The following CCDC148 variants were observed in gnomAD, a reference collection of about 807,000 sequenced individuals.
CCDC148 encodes the protein coiled-coil domain containing 148, also known as coiled-coil domain-containing protein 148.
In CCDC148, 89 loss-of-function variants were observed where a neutral mutation model predicts 85.7. The ratio of observed to expected loss-of-function variants is 1.04; its 90% CI spans 0.87 to 1.24. The LOEUF (loss-of-function observed/expected upper bound fraction) is 1.24. CCDC148 is among the 50% of genes most tolerant of loss of function. The pLI is 0.00. For missense variants in CCDC148, 692 were observed against 671.7 expected, an observed-to-expected ratio of 1.03 and a Z score of -0.33; for synonymous variants, 230 against 213.9, an observed-to-expected ratio of 1.08 and a Z score of -0.66.
intron 7 of CCDC148, among the ~76,000 whole-genome samples, chr2:158,319,285 C>T (rs897263657): frequency 6.6e-6 from 1 of 152,080 alleles, no homozygotes; most frequent in Admixed American, 6.5e-5. Flanking sequence ...CATCTCCAGC[C>T]CTGGCAGTGA....
rs1300412431 is a variant in CCDC148 at position 158,297,197 on chromosome 2, A to G, written c.1110+12236T>C. Among the ~76,000 whole-genome samples the G allele has an allele frequency of 2.0e-5, 3 of 152,244 alleles. No individual in the cohort carries two copies. The East Asian group carries it at 5.8e-4, about 29-fold the overall frequency. On this transcript the variant is annotated intron_variant, in intron 9 of 13. Coordinates refer to ENST00000283233, the MANE Select transcript of CCDC148 (RefSeq NM_138803.4). ...TAAACTGGACACCCAAGTTCCTCCA[A>G]TTATGTTGTTTTTTCTTGTCTAATC...
intron 1 of CCDC148, among the ~76,000 whole-genome samples, chr2:158,429,153 G>T: frequency 6.6e-6 from 1 of 152,012 alleles, no homozygotes; most frequent in African/African-American, 2.4e-5. Context: ...GGGGCAGGGG[G>T]GAGGGATAGC....
intron 1 of CCDC148, among the ~76,000 whole-genome samples, chr2:158,382,823 A>C (rs1303793763): frequency 1.3e-5 from 2 of 151,706 alleles, no homozygotes; most frequent in East Asian, 3.9e-4. Context: ...CGGGAGGCTG[A>C]GGCAGGAGAA....
intron 10 of CCDC148, among the ~76,000 whole-genome samples, chr2:158,250,158 C>T (rs148173367): frequency 6.6e-6 from 1 of 151,906 alleles, no homozygotes; most frequent in South Asian, 2.1e-4. Flanking sequence ...ATATTTAAAA[C>T]AAAACAACCC....
At chr2:158,269,049 G>A (rs1461427229) in intron 9 of CCDC148, among the ~76,000 whole-genome samples, 1 of 152,058 alleles carries the variant, frequency 6.6e-6, no homozygotes, top group Non-Finnish European at 1.5e-5. Flanking sequence ...TTTGATTGGT[G>A]ATAATTTCAT....
intron 9 of CCDC148, among the ~76,000 whole-genome samples, chr2:158,291,002 C>G (rs1444512546): frequency 6.6e-6 from 1 of 152,126 alleles, no homozygotes; most frequent in Non-Finnish European, 1.5e-5. Flanking sequence ...GTTCAGACTA[C>G]ATCATCTGTC....
intron 7 of CCDC148, among the ~76,000 whole-genome samples, chr2:158,320,080 T>C (rs548308342): frequency 6.6e-6 from 1 of 152,206 alleles, no homozygotes; most frequent in African/African-American, 2.4e-5. Flanking sequence ...AATTACCTTA[T>C]ATAGACATTA....
intron 1 of CCDC148, among the ~76,000 whole-genome samples, chr2:158,399,462 C>G (rs1559120425): frequency 6.6e-6 from 1 of 152,160 alleles, no homozygotes; most frequent in Non-Finnish European, 1.5e-5. Flanking sequence ...GGATGCAAGG[C>G]TGGTTCAACA....
chr2:158,244,751 TAAAATCCA>T (rs1574476591), intron 10 of CCDC148, among the ~76,000 whole-genome samples: 2 of 152,210 alleles, frequency 1.3e-5, no homozygotes, highest in East Asian at 3.9e-4. Flanking sequence ...ATCGTGGGAG[TAAAATCCA>T]CAGTATTTAT....
chr2:158,204,033 A>G (rs1289744467), intron 11 of CCDC148, among the ~76,000 whole-genome samples: 1 of 152,186 alleles, frequency 6.6e-6, no homozygotes, highest in Non-Finnish European at 1.5e-5. Flanking sequence ...ACTATAACAA[A>G]TCAGGCCCTA....
intron 9 of CCDC148, among the ~76,000 whole-genome samples, chr2:158,297,901 T>G (rs1401880592): frequency 6.6e-6 from 1 of 152,210 alleles, no homozygotes; most frequent in Non-Finnish European, 1.5e-5. Context: ...TCCCTTTCTC[T>G]TTATCCATCT....
At chr2:158,359,144 A>G (rs1683812294) in intron 1 of CCDC148, among the ~76,000 whole-genome samples, 1 of 152,222 alleles carries the variant, frequency 6.6e-6, no homozygotes, top group Non-Finnish European at 1.5e-5. Context: ...GTCTGGTATG[A>G]TATGAAAACC....
chr2:158,217,336 G>GTA lies in CCDC148; in HGVS notation c.1370+3257_1370+3258dup, dbSNP rs141810507. Among the ~76,000 whole-genome samples, 858 of 137,660 alleles carry GTA rather than the reference G, an allele frequency of 6.2e-3. 23 individuals carry two copies. The highest frequency in any genetic ancestry group is 0.022 in the African/African-American group (799 of 36,168). The allele number at this position is 137,660 out of a possible 152,430, so 90.3% of individuals were successfully genotyped here. A position where few individuals can be genotyped will look rare whatever the true frequency, so the allele number is the denominator to read the frequency against. ...TATATATATATATATATAATTTTGT[G>GTA]TATATATATATATATATATAAAATT... On this transcript the variant is annotated intron_variant, in intron 11 of 13. Transcript: ENST00000283233.
chr2:158,447,569 T>G lies in CCDC148; in HGVS notation c.25+8846A>C, dbSNP rs1255579789. 3 of 152,256 alleles carry G rather than the reference T, an allele frequency of 2.0e-5. No homozygotes were observed. The East Asian group carries it at 5.8e-4, about 29-fold the overall frequency. The allele number at this position is 152,256 out of a possible 1,614,324, so 9.4% of individuals were successfully genotyped here. A position where few individuals can be genotyped will look rare whatever the true frequency, so the allele number is the denominator to read the frequency against. ...AGTTTTTTCACATCTTTGTCATCAC[T>G]GTGTATTGTCAATTTTTGGTTTATA... On this transcript the variant is annotated intron_variant, in intron 1 of 13. Transcript: ENST00000283233.
intron 9 of CCDC148, among the ~76,000 whole-genome samples, chr2:158,285,079 G>C (rs1690551764): frequency 6.6e-6 from 1 of 152,138 alleles, no homozygotes; most frequent in Admixed American, 6.5e-5. Flanking sequence ...CCTGAGGTCA[G>C]GAGTTCAAGA....
intron 9 of CCDC148, among the ~76,000 whole-genome samples, chr2:158,307,646 A>G (rs1312692430): frequency 6.6e-6 from 1 of 152,204 alleles, no homozygotes; most frequent in Non-Finnish European, 1.5e-5. Context: ...AAACCTGAAA[A>G]CGGCTCAAAT....
intron 2 of CCDC148, among the ~76,000 whole-genome samples, chr2:158,352,744 C>T (rs1294318643): frequency 2.3e-4 from 35 of 151,302 alleles, no homozygotes; most frequent in Non-Finnish European, 3.2e-4. Context: ...AGATATTCCT[C>T]GAGAAGAGCA....
At chr2:158,232,499 T>A (rs1687902666) in intron 10 of CCDC148, among the ~76,000 whole-genome samples, 1 of 152,148 alleles carries the variant, frequency 6.6e-6, no homozygotes, top group Non-Finnish European at 1.5e-5. Flanking sequence ...TATACAACCA[T>A]TAAATTCAAC....
intron 1 of CCDC148, among the ~76,000 whole-genome samples, chr2:158,410,559 TA>T (rs775895805): frequency 9.2e-5 from 14 of 152,190 alleles, no homozygotes; most frequent in Non-Finnish European, 2.1e-4. Context: ...GAGGCTTGCA[TA>T]AAATATCTTG....
Sources: gnomAD v4.1 joint callset for allele counts (sites outside exome capture counted in the v4.1 genomes callset) on GRCh38, gnomAD v4.1.1 for gene constraint, MANE v1.5 for transcripts, NCBI Gene and HGNC (gene_info 2026-07-23, HGNC 2026-07-21) for gene names.